COL24A1: variants seen among roughly 807,000 people sequenced by gnomAD.
COL24A1 encodes the protein collagen alpha-1(XXIV) chain.
A neutral mutation model predicts 253.9 loss-of-function variants in COL24A1; 224 were observed. The ratio of observed to expected loss-of-function variants is 0.88; its 90% CI spans 0.79 to 0.99. The LOEUF (loss-of-function observed/expected upper bound fraction) is 0.99. Among genes scored for constraint, COL24A1 ranks in the 50% least tolerant of loss-of-function variants. The pLI is 0.00. For synonymous variants in COL24A1, 685 were observed against 673.7 expected (o/e 1.02, Z -0.26); for missense variants, 2,131 against 2,068.5 (o/e 1.03, Z -0.59).
At chr1:86,115,665 AT>A (rs1226468443) in intron 3 of COL24A1, among the ~76,000 whole-genome samples, 1 of 152,122 alleles carries the variant, frequency 6.6e-6, no homozygotes, top group African/African-American at 2.4e-5. Flanking sequence ...TTTGTGGGTA[AT>A]TTTTTACCTA....
chr1:85,875,134 A>C, intron 34 of COL24A1, 143 bp downstream of exon 34: 1 of 694,468 alleles, frequency 1.4e-6, no homozygotes, highest in Non-Finnish European at 2.5e-6. Context: ...CATAAGGAAT[A>C]GGAGTTCCAA....
At chr1:85,915,909 C>A (rs1685851387) in intron 24 of COL24A1, among the ~76,000 whole-genome samples, 2 of 152,120 alleles carry the variant, frequency 1.3e-5, no homozygotes. Flanking sequence ...CCGCCTTGGC[C>A]TCCCAAAGTG....
intron 43 of COL24A1, among the ~76,000 whole-genome samples, chr1:85,837,351 A>AT (rs1484245785): frequency 6.6e-6 from 1 of 152,204 alleles, no homozygotes; most frequent in Non-Finnish European, 1.5e-5. Flanking sequence ...GTGAAAGTTA[A>AT]TTTTTCAGAT....
At chr1:85,907,484 A>T (rs751898124) in intron 27 of COL24A1, among the ~76,000 whole-genome samples, 6 of 151,908 alleles carry the variant, frequency 3.9e-5, no homozygotes, top group Non-Finnish European at 8.8e-5. Flanking sequence ...AAAATGGAGA[A>T]GCTTTTAATA....
chr1:85,998,103 G>A (rs1456442436), intron 19 of COL24A1, among the ~76,000 whole-genome samples: 1 of 152,122 alleles, frequency 6.6e-6, no homozygotes, highest in Non-Finnish European at 1.5e-5. Flanking sequence ...TTCAAACTGA[G>A]TTTCTGTCAC....
intron 47 of COL24A1, among the ~76,000 whole-genome samples, chr1:85,814,584 G>A (rs1672879330): frequency 6.6e-6 from 1 of 152,174 alleles, no homozygotes; most frequent in African/African-American, 2.4e-5. Context: ...GGTCCAGAAA[G>A]CACAGACAAA....
intron 2 of COL24A1, among the ~76,000 whole-genome samples, chr1:86,133,856 G>C (rs532386743): frequency 2.4e-4 from 37 of 152,206 alleles, no homozygotes; most frequent in African/African-American, 7.9e-4. Flanking sequence ...GATGATGCTG[G>C]CCTCATCAAA....
intron 7 of COL24A1, among the ~76,000 whole-genome samples, chr1:86,066,231 CTTTTTTTTTTTT>C (rs71078637): frequency 1.2e-5 from 1 of 85,516 alleles, no homozygotes; most frequent in Non-Finnish European, 2.2e-5. Flanking sequence ...CCTAAGTCTC[CTTTTTTTTTTTT>C]TTTTTTTTTT....
intron 4 of COL24A1, among the ~76,000 whole-genome samples, chr1:86,113,837 CAAAAAAAA>C (rs36014881): frequency 1.3e-3 from 91 of 72,434 alleles, no homozygotes; most frequent in African/African-American, 2.0e-3. Context: ...TCCTGTCTCA[CAAAAAAAA>C]AAAAAAAAAA....
chr1:85,955,408 C>T (rs1690340450), intron 24 of COL24A1, among the ~76,000 whole-genome samples: 1 of 152,258 alleles, frequency 6.6e-6, no homozygotes, highest in Non-Finnish European at 1.5e-5. Flanking sequence ...AGCCCTCTGT[C>T]TTTGCGATAA....
chr1:85,838,356 C>T (rs913168905), intron 43 of COL24A1, among the ~76,000 whole-genome samples: 6 of 152,026 alleles, frequency 3.9e-5, no homozygotes, highest in African/African-American at 1.4e-4. Flanking sequence ...TTAGAGAAGG[C>T]CTCTCAGGAG....
At chr1:85,884,401 GTTTT>G (rs1682225879) in intron 32 of COL24A1, among the ~76,000 whole-genome samples, 2 of 152,154 alleles carry the variant, frequency 1.3e-5, no homozygotes, top group South Asian at 4.2e-4. Flanking sequence ...TAATGTCATT[GTTTT>G]TTACTCCCCT....
chr1:85,994,109 G>C (rs1694547384), intron 19 of COL24A1, among the ~76,000 whole-genome samples: 1 of 151,736 alleles, frequency 6.6e-6, no homozygotes, highest in African/African-American at 2.4e-5. Context: ...ACACAGCATA[G>C]TTTGGCTTAA....
intron 12 of COL24A1, among the ~76,000 whole-genome samples, chr1:86,039,753 C>G (rs1699314312): frequency 6.6e-6 from 1 of 152,170 alleles, no homozygotes; most frequent in African/African-American, 2.4e-5. Context: ...GTTATTTTTA[C>G]ACATTCTGCA....
intron 28 of COL24A1, among the ~76,000 whole-genome samples, chr1:85,899,736 G>GAA (rs1684089613): frequency 6.6e-6 from 1 of 152,158 alleles, no homozygotes; most frequent in Admixed American, 6.5e-5. Context: ...GATACACGTA[G>GAA]AAAAGGCTGC....
chr1:85,759,772 G>C (rs1000897545), intron 55 of COL24A1, among the ~76,000 whole-genome samples: 2 of 152,188 alleles, frequency 1.3e-5, no homozygotes, highest in African/African-American at 4.8e-5. Flanking sequence ...TATTTTGGCT[G>C]TGTAGGAACA....
chr1:85,943,996 T>C (rs1405839613), intron 24 of COL24A1, among the ~76,000 whole-genome samples: 2 of 152,240 alleles, frequency 1.3e-5, no homozygotes, highest in African/African-American at 4.8e-5. Flanking sequence ...GCACTGTGTG[T>C]ATATGTTAAA....
At chr1:86,109,198 T>C (rs1369261429) in intron 5 of COL24A1, among the ~76,000 whole-genome samples, 2 of 152,096 alleles carry the variant, frequency 1.3e-5, no homozygotes, top group African/African-American at 4.8e-5. Flanking sequence ...CAAAAAGAAA[T>C]TCCTAATTTC....
chr1:86,132,872 C>A (rs1468783655), intron 2 of COL24A1, among the ~76,000 whole-genome samples: 1 of 151,740 alleles, frequency 6.6e-6, no homozygotes. Context: ...TCCATATGAA[C>A]TTTAAAGTAG....
Sources: gnomAD v4.1 joint callset for allele counts (sites outside exome capture counted in the v4.1 genomes callset) on GRCh38, gnomAD v4.1.1 for gene constraint, MANE v1.5 for transcripts, NCBI Gene and HGNC (gene_info 2026-07-23, HGNC 2026-07-21) for gene names.